DNAJC5: variants seen among roughly 807,000 people sequenced by gnomAD.
DNAJC5 encodes the protein DnaJ heat shock protein family (Hsp40) member C5, also known as dnaJ homolog subfamily C member 5.
Under a neutral mutation model 23.2 loss-of-function variants are expected in DNAJC5, and 1 was observed. That is an observed-to-expected ratio of 0.04 (90% CI 0.02 to 0.20). The LOEUF is 0.20. Ranked by LOEUF, DNAJC5 falls within the 10% of genes least tolerant of loss-of-function variation. DNAJC5 has a pLI of 1.00. For synonymous variants in DNAJC5, 136 were observed against 120.0 expected, an observed-to-expected ratio of 1.13 and a Z score of -0.87; for missense variants, 180 against 267.0, an observed-to-expected ratio of 0.67 and a Z score of 2.27.
rs574510314 is a variant in DNAJC5, at chr20:63,898,765, C to T, written c.-12+3442C>T. Among the ~76,000 whole-genome samples, 47 of 152,192 alleles carry T rather than the reference C, an allele frequency of 3.1e-4. 1 individual carries two copies. Among genetic ancestry groups the T allele is most frequent in the African/African-American group, 5.1e-4 (21 of 41,522 alleles). On this transcript the variant is annotated intron_variant, in intron 1 of 4. Transcript: ENST00000360864. ...CTGAGGCAGGAGAATTGCTTGAACC[C>T]GGGAGGCAGAGGTTGCAGTGAGCTG... is the stretch of plus-strand genomic sequence containing the variant.
intron 1 of DNAJC5, among the ~76,000 whole-genome samples, chr20:63,902,675 G>GTTT (rs35872737): frequency 2.5e-4 from 27 of 108,138 alleles, no homozygotes; most frequent in Admixed American, 4.4e-4. Flanking sequence ...GCCTCATCTT[G>GTTT]TTTTTTTTTT....
At chr20:63,919,400 A>G (rs1437491226) in intron 1 of DNAJC5, 1 of 492,428 alleles carries the variant, frequency 2.0e-6, no homozygotes, top group Non-Finnish European at 4.1e-6. Context: ...CTGTGTGGAC[A>G]TGTGCCCAGG....
At chr20:63,918,916 C>T (rs1392101971) in intron 1 of DNAJC5, among the ~76,000 whole-genome samples, 2 of 152,204 alleles carry the variant, frequency 1.3e-5, no homozygotes, top group African/African-American at 4.8e-5. Flanking sequence ...ATATTTCTTT[C>T]TGTATTTCAC....
intron 1 of DNAJC5, among the ~76,000 whole-genome samples, chr20:63,901,316 G>A (rs879365841): frequency 3.3e-5 from 5 of 152,212 alleles, no homozygotes; most frequent in Non-Finnish European, 5.9e-5. Context: ...CTGGCAGGTC[G>A]GAAGATGGAA....
intron 1 of DNAJC5, among the ~76,000 whole-genome samples, chr20:63,902,050 TAATG>T (rs933984286): frequency 1.3e-5 from 2 of 152,096 alleles, no homozygotes; most frequent in Admixed American, 1.3e-4. Context: ...TTTAAAATAA[TAATG>T]CTTTTTTTTT....
At chr20:63,897,133 G>A (rs1383241822) in intron 1 of DNAJC5, among the ~76,000 whole-genome samples, 2 of 152,230 alleles carry the variant, frequency 1.3e-5, no homozygotes, top group Non-Finnish European at 2.9e-5. Flanking sequence ...AGTGGCTCAT[G>A]CCTGTAATCT....
At chr20:63,910,081 G>T (rs2053473166) in intron 1 of DNAJC5, among the ~76,000 whole-genome samples, 1 of 152,212 alleles carries the variant, frequency 6.6e-6, no homozygotes, top group South Asian at 2.1e-4. Flanking sequence ...GGTAACGGAA[G>T]ACCACTCGTG....
intron 1 of DNAJC5, among the ~76,000 whole-genome samples, chr20:63,927,137 A>C (rs2053622959): frequency 6.6e-6 from 1 of 152,214 alleles, no homozygotes; most frequent in Non-Finnish European, 1.5e-5. Flanking sequence ...TACAGCATTC[A>C]GTTAAAAACA....
intron 1 of DNAJC5, among the ~76,000 whole-genome samples, chr20:63,915,160 A>C (rs1342718614): frequency 6.6e-6 from 1 of 152,134 alleles, no homozygotes; most frequent in African/African-American, 2.4e-5. Flanking sequence ...TCTCTTGCCA[A>C]GCCCAGGCCA....
intron 1 of DNAJC5, among the ~76,000 whole-genome samples, chr20:63,899,002 G>C (rs2053392130): frequency 6.6e-6 from 1 of 152,220 alleles, no homozygotes; most frequent in Non-Finnish European, 1.5e-5. Flanking sequence ...CACTGTGGCA[G>C]CAGAATCTGT....
At chr20:63,930,493 G>A (rs1338827408) in intron 3 of DNAJC5, among the ~76,000 whole-genome samples, 1 of 152,170 alleles carries the variant, frequency 6.6e-6, no homozygotes, top group Non-Finnish European at 1.5e-5. Flanking sequence ...GACTACAGGT[G>A]CCCGCCACCA....
At chr20:63,914,221 T>A (rs182349114) in intron 1 of DNAJC5, among the ~76,000 whole-genome samples, 3 of 148,308 alleles carry the variant, frequency 2.0e-5, no homozygotes, top group Admixed American at 2.0e-4. Flanking sequence ...TACCTTGTAA[T>A]TGTTGTTAAA....
At chr20:63,896,590 C>G (rs1379793194) in intron 1 of DNAJC5, among the ~76,000 whole-genome samples, 1 of 152,200 alleles carries the variant, frequency 6.6e-6, no homozygotes, top group Non-Finnish European at 1.5e-5. Context: ...AACAGAGCCA[C>G]ATGCTCTGTC....
In DNAJC5 at chr20:63,929,682, G is replaced by T. The variant is rs1600886286; in HGVS notation, c.321+157G>T. ...CACCCGAGTCTCTCCTGCCGTGCGGGCACCCGAGTCACTCCTGCCGTGCGG... is the reference window on the plus strand; with the variant it reads ...CACCCGAGTCTCTCCTGCCGTGCGGTCACCCGAGTCACTCCTGCCGTGCGG... On this transcript the variant is annotated intron_variant, in intron 3 of 4. Transcript: ENST00000360864. This position sits in a 1 kb window ranked among gnomAD's most constrained non-coding sequence, Gnocchi z 8.6. Among the ~76,000 whole-genome samples, 4 of 150,426 alleles carry T rather than the reference G, an allele frequency of 2.7e-5. 1 individual carries two copies. Among genetic ancestry groups the T allele is most frequent in the African/African-American group, 5.0e-5 (2 of 40,314 alleles).
At chr20:63,914,240 G>T (rs146549528) in intron 1 of DNAJC5, among the ~76,000 whole-genome samples, 11 of 152,326 alleles carry the variant, frequency 7.2e-5, no homozygotes, top group African/African-American at 2.4e-4. Flanking sequence ...AAACCCTTCT[G>T]GGCTTCATAA....
intron 1 of DNAJC5, among the ~76,000 whole-genome samples, chr20:63,905,744 T>C (rs2146275556): frequency 6.7e-6 from 1 of 149,398 alleles, no homozygotes; most frequent in South Asian, 2.2e-4. Context: ...TAATTTTTTT[T>C]TTTTTCTGGA....
rs1374282765 is a variant in DNAJC5 at position 63,895,534 on chromosome 20, C to T, written c.-12+211C>T. Among the ~76,000 whole-genome samples, 8 of 148,952 alleles carry T rather than the reference C, an allele frequency of 5.4e-5. No individual in the cohort carries two copies. The South Asian group carries it at 1.5e-3, about 27-fold the overall frequency. ...GGCGCGGGAAGGTCGGCGCCGGGGCCTGCGGGAGCCGGGCCGGGCCGGGCC... is the reference window on the plus strand; with the variant it reads ...GGCGCGGGAAGGTCGGCGCCGGGGCTTGCGGGAGCCGGGCCGGGCCGGGCC... On this transcript the variant is annotated intron_variant, in intron 1 of 4. Transcript: ENST00000360864.
intron 1 of DNAJC5, among the ~76,000 whole-genome samples, chr20:63,897,776 A>C (rs146901891): frequency 2.0e-5 from 3 of 152,252 alleles, no homozygotes; most frequent in African/African-American, 7.2e-5. Flanking sequence ...TCCCCTTAGC[A>C]TGAGGCCCTT....
intron 1 of DNAJC5, among the ~76,000 whole-genome samples, chr20:63,926,524 CTG>C (rs2053617570): frequency 6.6e-6 from 1 of 152,252 alleles, no homozygotes; most frequent in South Asian, 2.1e-4. Flanking sequence ...TTGCCATTAT[CTG>C]TGTCTCTTTC....
Sources: allele counts gnomAD v4.1 joint callset (sites outside exome capture counted in the v4.1 genomes callset), GRCh38; gene constraint gnomAD v4.1.1; non-coding constraint Gnocchi (gnomAD v3.1); transcripts MANE v1.5; gene names NCBI Gene and HGNC (gene_info 2026-07-23, HGNC 2026-07-21).